CSRNP3: variants seen among roughly 807,000 people sequenced by gnomAD.
CSRNP3 encodes cysteine/serine-rich nuclear protein 3.
A neutral mutation model predicts 48.0 loss-of-function variants in CSRNP3; 12 were observed. The ratio of observed to expected loss-of-function variants is 0.25; its 90% CI spans 0.16 to 0.41. CSRNP3 has a LOEUF of 0.41. Among genes scored for constraint, CSRNP3 ranks in the 10% least tolerant of loss-of-function variants. The probability of loss-of-function intolerance (pLI) is 1.00; values close to 1 mark genes in which losing one functional copy is unlikely to be tolerated. For missense variants in CSRNP3, 580 were observed against 724.4 expected (o/e 0.80, Z 2.29); for synonymous variants, 263 against 269.7 (o/e 0.98, Z 0.24).
chr2:165,538,028 A>G (rs1684903849), intron 3 of CSRNP3, among the ~76,000 whole-genome samples: 1 of 151,920 alleles, frequency 6.6e-6, no homozygotes. Flanking sequence ...GTGTTTGTGG[A>G]TAAAGAAAGA....
At chr2:165,663,426 AC>A (rs1687129695) in intron 5 of CSRNP3, among the ~76,000 whole-genome samples, 3 of 152,178 alleles carry the variant, frequency 2.0e-5, no homozygotes, top group African/African-American at 7.2e-5. Context: ...CAAATGGAAA[AC>A]TTTGATGTGC....
At chr2:165,539,825 T>C (rs919557070) in intron 3 of CSRNP3, among the ~76,000 whole-genome samples, 24 of 152,194 alleles carry the variant, frequency 1.6e-4, no homozygotes, top group African/African-American at 4.6e-4. Context: ...ATTCTGTGCC[T>C]GAATTATTTT....
chr2:165,668,617 G>A (rs1437984006), intron 5 of CSRNP3, among the ~76,000 whole-genome samples: 2 of 151,902 alleles, frequency 1.3e-5, no homozygotes, highest in African/African-American at 2.4e-5. Flanking sequence ...GGCCAGTCTG[G>A]TCTTGAACCC....
intron 4 of CSRNP3, among the ~76,000 whole-genome samples, chr2:165,600,202 CG>C (rs1349379200): frequency 7.0e-6 from 1 of 142,548 alleles, no homozygotes; most frequent in Non-Finnish European, 1.5e-5. Context: ...TTTGTTCTTG[CG>C]ATAGTTTACT....
At chr2:165,638,618 A>G (rs1686673128) in intron 4 of CSRNP3, among the ~76,000 whole-genome samples, 1 of 152,170 alleles carries the variant, frequency 6.6e-6, no homozygotes, top group Non-Finnish European at 1.5e-5. Context: ...AAAAGTACCT[A>G]TCTCTTTGTA....
intron 3 of CSRNP3, among the ~76,000 whole-genome samples, chr2:165,552,992 C>G (rs1175887274): frequency 6.6e-6 from 1 of 152,124 alleles, no homozygotes; most frequent in East Asian, 1.9e-4. Flanking sequence ...ATGTGCCTGG[C>G]CATACCTTCG....
chr2:165,499,202 G>C (rs1684325127), intron 2 of CSRNP3, among the ~76,000 whole-genome samples: 1 of 152,098 alleles, frequency 6.6e-6, no homozygotes, highest in South Asian at 2.1e-4. Context: ...TCTAGCTTTG[G>C]TTTGAATACC....
chr2:165,566,178 C>T (rs1349496849), intron 3 of CSRNP3, among the ~76,000 whole-genome samples: 1 of 150,020 alleles, frequency 6.7e-6, no homozygotes, highest in African/African-American at 2.5e-5. Context: ...TTCAAACATT[C>T]CAGCATTACA....
At chr2:165,665,107 A>T (rs1166734187) in intron 5 of CSRNP3, among the ~76,000 whole-genome samples, 1 of 152,178 alleles carries the variant, frequency 6.6e-6, no homozygotes, top group Non-Finnish European at 1.5e-5. Flanking sequence ...TTAAAATTGC[A>T]TTTAACAAAA....
At chr2:165,570,591 G>T (rs1329765577) in intron 3 of CSRNP3, among the ~76,000 whole-genome samples, 1 of 126,394 alleles carries the variant, frequency 7.9e-6, no homozygotes, top group Non-Finnish European at 1.8e-5. Flanking sequence ...TTGAAGTAAT[G>T]CAGTAAAAAA....
intron 4 of CSRNP3, among the ~76,000 whole-genome samples, chr2:165,652,712 T>C (rs1300849076): frequency 1.3e-5 from 2 of 151,856 alleles, no homozygotes; most frequent in Non-Finnish European, 2.9e-5. Context: ...CTGGCTAAGT[T>C]TTTGTATTTT....
chr2:165,612,311 A>G (rs1686151393), intron 4 of CSRNP3, among the ~76,000 whole-genome samples: 1 of 152,090 alleles, frequency 6.6e-6, no homozygotes, highest in Admixed American at 6.5e-5. Context: ...CATTAATTTT[A>G]CTAACATTTG....
At chr2:165,513,667 T>C (rs943830324) in intron 2 of CSRNP3, among the ~76,000 whole-genome samples, 1 of 152,242 alleles carries the variant, frequency 6.6e-6, no homozygotes, top group Non-Finnish European at 1.5e-5. Context: ...CTGGCTTGGC[T>C]GCTGACTGAA....
At chr2:165,653,007 C>T (rs1436586706) in intron 4 of CSRNP3, among the ~76,000 whole-genome samples, 2 of 152,156 alleles carry the variant, frequency 1.3e-5, no homozygotes, top group African/African-American at 4.8e-5. Context: ...GTAGGTATAT[C>T]AGGGAGGTTT....
chr2:165,654,320 T>A (rs1032490336), intron 4 of CSRNP3, among the ~76,000 whole-genome samples: 3 of 152,246 alleles, frequency 2.0e-5, no homozygotes, highest in Non-Finnish European at 4.4e-5. Context: ...ATGAAATGGA[T>A]CAGAACTTTT....
chr2:165,678,558 T>C lies in CSRNP3; in HGVS notation c.706-143T>C. On this transcript the variant is annotated intron_variant, in intron 6 of 6. Transcript: ENST00000651982. ...CCTCACTTTCCCCTTTTCATTTCTA[T>C]TTGAAGTTTGGTTGTCATTTGCTCT... 3 of 925,270 alleles carry C rather than the reference T, an allele frequency of 3.2e-6. No homozygotes were observed. The Admixed American group carries it at 8.5e-5, about 26-fold the overall frequency. 57.3% of individuals were successfully genotyped at this position (925,270 alleles called of 1,614,324 possible).
rs1687562662 is a variant in CSRNP3, at chr2:165,682,428, A to G, written c.*2675A>G. Reference sequence around the variant, plus strand: ...GCTACCTATTAAAACTCTCCCATATACCTAACACATACACATGCACACACA... The same window carrying G: ...GCTACCTATTAAAACTCTCCCATATGCCTAACACATACACATGCACACACA... On this transcript the variant is annotated 3_prime_UTR_variant, in exon 7 of 7. Coordinates refer to ENST00000651982, the MANE Select transcript of CSRNP3 (RefSeq NM_001172173.2). 1 of 152,070 alleles carries G rather than the reference A, an allele frequency of 6.6e-6. No homozygotes were observed. The highest frequency in any genetic ancestry group is 2.4e-5 in the African/African-American group (1 of 41,402). The allele number at this position is 152,070 out of a possible 1,614,324, so 9.4% of individuals were successfully genotyped here.
intron 3 of CSRNP3, among the ~76,000 whole-genome samples, chr2:165,555,332 A>G (rs1458671441): frequency 2.0e-5 from 3 of 152,208 alleles, no homozygotes; most frequent in South Asian, 2.1e-4. Context: ...TGTAATATAG[A>G]TAGCATGTGT....
intron 4 of CSRNP3, among the ~76,000 whole-genome samples, chr2:165,627,105 C>T (rs1257756267): frequency 6.6e-6 from 1 of 152,154 alleles, no homozygotes; most frequent in African/African-American, 2.4e-5. Context: ...CTTAGATTTT[C>T]TATTAATGCA....
Sources: allele counts gnomAD v4.1 joint callset (sites outside exome capture counted in the v4.1 genomes callset), GRCh38; gene constraint gnomAD v4.1.1; transcripts MANE v1.5; gene names NCBI Gene and HGNC (gene_info 2026-07-23, HGNC 2026-07-21).